Variants in PLK2 observed in about 807,000 individuals in gnomAD.
The protein encoded by PLK2 is polo like kinase 2.
In PLK2, 25 loss-of-function variants were observed where a neutral mutation model predicts 78.1. The ratio of observed to expected loss-of-function variants is 0.32; its 90% confidence interval spans 0.23 to 0.45. The LOEUF (loss-of-function observed/expected upper bound fraction) is 0.45, where lower values mean the gene tolerates loss of function less well. Ranked by LOEUF, PLK2 falls within the 20% of genes least tolerant of loss-of-function variation. The probability of loss-of-function intolerance (pLI) is 1.00; values close to 1 mark genes in which losing one functional copy is unlikely to be tolerated. For synonymous variants in PLK2, 332 were observed against 298.2 expected (o/e 1.11, Z -1.17); for missense variants, 566 against 840.2 (o/e 0.67, Z 4.04).
At chr5:58,455,831 A>G (rs780959305) in intron 10 of PLK2, 52 bp from the exon 11 acceptor site, 78 of 1,598,538 alleles carry the variant, frequency 4.9e-5, no homozygotes, top group Admixed American at 6.7e-5. Flanking sequence ...TAGCAATAAA[A>G]CCTCAGGCTT....
chr5:58,454,478 A>T lies in PLK2; in HGVS notation c.*105T>A. On this transcript the variant is annotated 3_prime_UTR_variant, in exon 14 of 14. Coordinates refer to ENST00000274289, the MANE Select transcript of PLK2 (RefSeq NM_006622.4). Reference sequence around the variant, plus strand: ...GCCACAGGGGAATTGTTTTCGTACCACCACATGTCCATCTTCTTCAACATA... The same window carrying T: ...GCCACAGGGGAATTGTTTTCGTACCTCCACATGTCCATCTTCTTCAACATA... 1.2e-6 allele frequency: 1 copy of T among 811,214 alleles called. No individual in the cohort carries two copies. Among genetic ancestry groups the T allele is most frequent in the Non-Finnish European group, 2.0e-6 (1 of 499,100 alleles). 50.3% of individuals were successfully genotyped at this position (811,214 alleles called of 1,614,324 possible). A position where few individuals can be genotyped will look rare whatever the true frequency, so the allele number is the denominator to read the frequency against.
rs1439196105 is a variant in PLK2 at position 58,457,550 on chromosome 5, A to G, written c.747T>C (p.Pro249=). 1 of 1,612,512 alleles carries G rather than the reference A, an allele frequency of 6.2e-7. No homozygotes were observed. Among genetic ancestry groups the G allele is most frequent in the Admixed American group, 1.7e-5 (1 of 60,032 alleles). The part of the protein sequence containing the change: ...TICGTPNYLS[P]EVLNKQGHGC... The stretch of plus-strand genomic sequence containing the variant: ...CATGTCCTTGTTTGTTGAGGACTTC[A>G]GGAGAGAGATAATTTGGGGTACCAC... Residue 249 remains proline (P), a synonymous_variant, in exon 6 of 14, where the codon CCT becomes CCC. Coordinates refer to ENST00000274289, the MANE Select transcript of PLK2 (RefSeq NM_006622.4).
chr5:58,455,906 C>G (rs566310095), intron 10 of PLK2, 120 bp downstream of exon 10: 8 of 1,471,564 alleles, frequency 5.4e-6, no homozygotes. Context: ...TTTTCCAATT[C>G]CTGTAATCTT....
In PLK2 at chr5:58,460,040, C is replaced by T. The variant is rs1225802268; in HGVS notation, c.-81G>A. Reference sequence around the variant, plus strand: ...CCGAGCCGGCCGTGGTCCTCGCACCCTTGCCTCTGGTGCCGACTAGCACCC... The same window carrying T: ...CCGAGCCGGCCGTGGTCCTCGCACCTTTGCCTCTGGTGCCGACTAGCACCC... On this transcript the variant is annotated 5_prime_UTR_variant, in exon 1 of 14. Transcript: ENST00000274289. 16 of 1,487,276 alleles carry T rather than the reference C, an allele frequency of 1.1e-5. No individual in the cohort carries two copies. Among genetic ancestry groups the T allele is most frequent in the Middle Eastern group, 2.5e-4 (1 of 4,054 alleles). The allele number at this position is 1,487,276 out of a possible 1,614,324, so 92.1% of individuals were successfully genotyped here.
chr5:58,459,150 A>G, intron 1 of PLK2, 58 bp from the exon 2 acceptor site: 2 of 844,350 alleles, frequency 2.4e-6, no homozygotes, highest in Non-Finnish European at 4.0e-6. Flanking sequence ...GACGGCAGAT[A>G]TTTTAAATAA....
In PLK2 at chr5:58,459,591, C is replaced by T. The variant is rs550976673; in HGVS notation, c.270+99G>A. On this transcript the variant is annotated intron_variant, in intron 1 of 13. Coordinates refer to ENST00000274289, the MANE Select transcript of PLK2 (RefSeq NM_006622.4). Reference sequence around the variant, plus strand: ...GCTGGGATCGGACCCCCGAAAAACCCGGAAGCGGCGGGCGAGGGACCCCGC... The same window carrying T: ...GCTGGGATCGGACCCCCGAAAAACCTGGAAGCGGCGGGCGAGGGACCCCGC... The T allele has an allele frequency of 3.7e-4, 413 of 1,105,610 alleles. 3 individuals carry two copies. Among genetic ancestry groups the T allele is most frequent in the South Asian group, 3.0e-3 (184 of 60,636 alleles). 68.5% of individuals were successfully genotyped at this position (1,105,610 alleles called of 1,614,324 possible). A position where few individuals can be genotyped will look rare whatever the true frequency, so the allele number is the denominator to read the frequency against.
In PLK2 at chr5:58,459,996, C is replaced by T; in HGVS notation, c.-37G>A. On this transcript the variant is annotated 5_prime_UTR_variant, in exon 1 of 14. Transcript: ENST00000274289. ...CGCCCCGCACTGCCCGCTGCCACCCCCTAGGCGCGGTCACACGTCCGAGCC... is the reference window on the plus strand; with the variant it reads ...CGCCCCGCACTGCCCGCTGCCACCCTCTAGGCGCGGTCACACGTCCGAGCC... 6.5e-7 allele frequency: 1 copy of T among 1,543,548 alleles called. No homozygotes were observed. The highest frequency in any genetic ancestry group is 8.7e-7 in the Non-Finnish European group (1 of 1,145,838).
At chr5:58,456,767 A>C in intron 8 of PLK2, 178 bp from the exon 9 acceptor site, 1 of 630,182 alleles carries the variant, frequency 1.6e-6, no homozygotes, top group South Asian at 2.2e-5. Flanking sequence ...TAGTGTTTGC[A>C]AAATAAAAAG....
chr5:58,455,964 T>C, intron 10 of PLK2, 62 bp downstream of exon 10: 1 of 1,541,464 alleles, frequency 6.5e-7, no homozygotes, highest in African/African-American at 1.4e-5. Flanking sequence ...ACTTAAATTA[T>C]TATGTATTTA....
chr5:58,457,678 C>T, intron 5 of PLK2, 95 bp from the exon 6 acceptor site: 1 of 728,976 alleles, frequency 1.4e-6, no homozygotes, highest in Non-Finnish European at 2.4e-6. Context: ...AAATCTTAAA[C>T]AAAATCTTAA....
chr5:58,456,536 T>C lies in PLK2; in HGVS notation c.1210A>G (p.Lys404Glu). ...DIYKLRHDLK[K>E]TSITQQPSKH... ...CTGGGTTGCTGAGTTATTGAAGTCT[T>C]TTTCAAATCATGCCTAAGCTTGTAG... is the stretch of plus-strand genomic sequence containing the variant. The change falls in exon 9 of 14, where the codon AAG (lysine) becomes GAG (glutamate). Residue 404 changes from lysine (K) to glutamate (E), a missense_variant. Lys to Glu is a moderately conservative substitution (Grantham distance 56). Transcript: ENST00000274289. 1.2e-6 allele frequency: 2 copies of C among 1,613,000 alleles called. No homozygotes were observed. Among genetic ancestry groups the C allele is most frequent in the Non-Finnish European group, 8.5e-7 (1 of 1,179,012 alleles).
rs201995990 is a variant in PLK2 at position 58,459,048 on chromosome 5, G to C, written c.315C>G (p.Asn105Lys). The C allele has an allele frequency of 1.4e-5, 22 of 1,612,796 alleles. No individual in the cohort carries two copies. Among genetic ancestry groups the C allele is most frequent in the Non-Finnish European group, 1.8e-5 (21 of 1,178,968 alleles). The change falls in exon 2 of 14, where the codon AAC becomes AAG. Residue 105 changes from asparagine to lysine, a missense_variant. Asn to Lys is a moderately conservative substitution (Grantham distance 94). Transcript: ENST00000274289. ...KCYEMTDLTN[N>K]KVYAAKIIPH... is the part of the protein sequence containing the mutation. ...GAATAATTTTTGCGGCGTAGACTTT[G>C]TTATTTGTCAAATCTGTCATCTCGT...
intron 10 of PLK2, 88 bp downstream of exon 10, chr5:58,455,938 G>A: frequency 6.7e-7 from 1 of 1,492,798 alleles, no homozygotes; most frequent in Non-Finnish European, 9.1e-7. Flanking sequence ...GTTAAATTAA[G>A]CTACAAAGTA....
At chr5:58,455,133 G>C in intron 12 of PLK2, 112 bp from the exon 13 acceptor site, 3 of 1,149,976 alleles carry the variant, frequency 2.6e-6, no homozygotes, top group Non-Finnish European at 3.8e-6. Flanking sequence ...AATGGCTTTG[G>C]AAATCCCTGC....
Position 58,458,978 on chromosome 5 carries a change from T to C in PLK2, c.378+7A>G, listed in dbSNP as rs971928360. The C allele has an allele frequency of 5.2e-6, 8 of 1,525,806 alleles. No individual in the cohort carries two copies. The highest frequency in any genetic ancestry group is 1.7e-4 in the Middle Eastern group (1 of 5,906). The allele number at this position is 1,525,806 out of a possible 1,614,324, so 94.5% of individuals were successfully genotyped here. A position where few individuals can be genotyped will look rare whatever the true frequency, so the allele number is the denominator to read the frequency against. On this transcript the variant is annotated splice_region_variant and intron_variant, in intron 2 of 13. Coordinates refer to ENST00000274289, the MANE Select transcript of PLK2 (RefSeq NM_006622.4). The stretch of plus-strand genomic sequence containing the variant: ...AAGAAAATACTTTACTCAAGAGTCA[T>C]ACGCACCTTTTCCCTTTGATGAGGT...
rs771088233 is a variant in PLK2, at chr5:58,456,105, T to A, written c.1305A>T (p.Val435=). 4 of 1,614,096 alleles carry A rather than the reference T, an allele frequency of 2.5e-6. No individual in the cohort carries two copies. The highest frequency in any genetic ancestry group is 3.4e-6 in the Non-Finnish European group (4 of 1,179,976). ...TTVARSGTPA[V]ENKQQIGDAI... The stretch of plus-strand genomic sequence containing the variant: ...CATCCCCAATCTGCTGCTTGTTTTC[T>A]ACTGCGGGTGTTCCAGACCTGGCAA... Residue 435 remains valine (V), a synonymous_variant, in exon 10 of 14, where the codon GTA becomes GTT. Transcript: ENST00000274289.
intron 3 of PLK2, 71 bp from the exon 4 acceptor site, chr5:58,458,599 G>C: frequency 6.8e-7 from 1 of 1,468,116 alleles, no homozygotes; most frequent in South Asian, 1.2e-5. Context: ...CCCTTTGCAG[G>C]ATGAGCAATG....
Position 58,459,993 on chromosome 5 carries a change from C to T in PLK2, c.-34G>A, listed in dbSNP as rs760981688. 2.6e-6 allele frequency: 4 copies of T among 1,553,058 alleles called. No individual in the cohort carries two copies. Among genetic ancestry groups the T allele is most frequent in the Non-Finnish European group, 3.5e-6 (4 of 1,149,870 alleles). Reference sequence around the variant, plus strand: ...TGCCGCCCCGCACTGCCCGCTGCCACCCCCTAGGCGCGGTCACACGTCCGA... The same window carrying T: ...TGCCGCCCCGCACTGCCCGCTGCCATCCCCTAGGCGCGGTCACACGTCCGA... On this transcript the variant is annotated 5_prime_UTR_variant, in exon 1 of 14. In the 5' UTR this introduces an upstream ATG that the reference lacks. Transcript: ENST00000274289.
rs1249791598 is a variant in PLK2 at position 58,456,055 on chromosome 5, G to A, written c.1355C>T (p.Thr452Ile). The A allele has an allele frequency of 1.2e-6, 2 of 1,613,636 alleles. No homozygotes were observed. Among genetic ancestry groups the A allele is most frequent in the East Asian group, 2.2e-5 (1 of 44,878 alleles). Residue 452 changes from threonine (T) to isoleucine (I), a missense_variant, in exon 10 of 14, where the codon ACT (threonine) becomes ATT (isoleucine). By Grantham distance (89) the Thr-to-Ile change is moderately conservative. This residue lies in a region of PLK2 where 129 missense variants were observed against 156.0 expected (regional missense o/e 0.83). Transcript: ENST00000274289. The part of the protein sequence containing the change: ...GDAIRMIVRG[T>I]LGSCSSSSEC... The stretch of plus-strand genomic sequence containing the variant: ...ACTGCTGCTGCTACAGCTGCCAAGA[G>A]TCCCTCTGACTATCATCCGAATAGC...
Sources: gnomAD v4.1 joint callset for allele counts on GRCh38, gnomAD v4.1.1 for gene constraint, gnomAD v4.1.1 regional missense constraint, MANE v1.5 for transcripts, NCBI Gene and HGNC (gene_info 2026-07-23, HGNC 2026-07-21) for gene names.